SYNDIG1: variants seen among roughly 807,000 people sequenced by gnomAD.
SYNDIG1 encodes synapse differentiation inducing 1, also known as synapse differentiation-inducing gene protein 1.
A neutral mutation model predicts 19.4 loss-of-function variants in SYNDIG1; 9 were observed. The ratio of observed to expected loss-of-function variants is 0.46; its 90% CI spans 0.28 to 0.81. The LOEUF is 0.81. Ranked by LOEUF, SYNDIG1 falls within the 30% of genes least tolerant of loss-of-function variation. The pLI is 0.12. For missense variants in SYNDIG1, 311 were observed against 343.3 expected (o/e 0.91, Z 0.74); for synonymous variants, 141 against 145.9 (o/e 0.97, Z 0.24).
intron 2 of SYNDIG1, among the ~76,000 whole-genome samples, chr20:24,568,458 C>T (rs1013497080): frequency 2.6e-5 from 4 of 152,210 alleles, no homozygotes; most frequent in South Asian, 4.1e-4. Context: ...CCTCGGGAGG[C>T]GTCTGTCATC....
intron 1 of SYNDIG1, among the ~76,000 whole-genome samples, chr20:24,517,185 A>G (rs1265398780): frequency 2.0e-5 from 3 of 152,098 alleles, no homozygotes; most frequent in Non-Finnish European, 4.4e-5. Flanking sequence ...AAGCATTAGG[A>G]GATACACCTA....
chr20:24,507,902 C>T (rs1293296928), intron 1 of SYNDIG1, among the ~76,000 whole-genome samples: 1 of 152,148 alleles, frequency 6.6e-6, no homozygotes, highest in East Asian at 1.9e-4. Context: ...AGGAGGTGCG[C>T]TGTTCCACAA....
intron 1 of SYNDIG1, among the ~76,000 whole-genome samples, chr20:24,498,442 T>G (rs566663330): frequency 6.6e-6 from 1 of 152,344 alleles, no homozygotes; most frequent in East Asian, 1.9e-4. Context: ...AGCTGCACAG[T>G]AGCTTGCTAG....
At chr20:24,512,353 C>T (rs1000117324) in intron 1 of SYNDIG1, among the ~76,000 whole-genome samples, 5 of 151,256 alleles carry the variant, frequency 3.3e-5, no homozygotes, top group South Asian at 4.2e-4. Context: ...TTGCCTCGCC[C>T]GGGAAGCACA....
intron 3 of SYNDIG1, among the ~76,000 whole-genome samples, chr20:24,615,690 C>T (rs985682580): frequency 3.9e-5 from 6 of 152,152 alleles, no homozygotes; most frequent in African/African-American, 1.2e-4. Context: ...CTGCTGTCCC[C>T]GAAACAGGCG....
chr20:24,516,450 A>G (rs2056866345), intron 1 of SYNDIG1, among the ~76,000 whole-genome samples: 1 of 152,230 alleles, frequency 6.6e-6, no homozygotes, highest in Admixed American at 6.5e-5. Flanking sequence ...AAGGGCTAAT[A>G]TCCAGAACTC....
chr20:24,629,477 G>A lies in SYNDIG1; in HGVS notation c.619-35869G>A, dbSNP rs190591756. Among the ~76,000 whole-genome samples the A allele has an allele frequency of 5.3e-4, 80 of 152,220 alleles. 2 individuals are homozygous for A. In the East Asian group the frequency reaches 0.013, roughly 24 times the overall value. On this transcript the variant is annotated intron_variant, in intron 3 of 3. Coordinates refer to ENST00000376862, the MANE Select transcript of SYNDIG1 (RefSeq NM_024893.3). ...AGAAGAAATTGAGACAGGAAAAAGAGGAAAGGAGGGAGGCAGAGGAGGAGG... is the reference window on the plus strand; with the variant it reads ...AGAAGAAATTGAGACAGGAAAAAGAAGAAAGGAGGGAGGCAGAGGAGGAGG...
chr20:24,508,448 CCTCAAG>C (rs1600474058), intron 1 of SYNDIG1, among the ~76,000 whole-genome samples: 2 of 151,292 alleles, frequency 1.3e-5, no homozygotes, highest in Non-Finnish European at 3.0e-5. Context: ...AAACTCCTGA[CCTCAAG>C]TGATCTGCCC....
rs999073422 is a variant in SYNDIG1, at chr20:24,658,777, G to T, written c.619-6569G>T. Among the ~76,000 whole-genome samples the T allele has an allele frequency of 6.6e-6, 1 of 152,144 alleles. No homozygotes were observed. ...CACCACAGGCTCTTCTCCCAGCGGG[G>T]TCGTCTGCCTCGTTTTCTCCCAGAT... On this transcript the variant is annotated intron_variant, in intron 3 of 3. Coordinates refer to ENST00000376862, the MANE Select transcript of SYNDIG1 (RefSeq NM_024893.3). This position sits in a 1 kb window ranked among gnomAD's most constrained non-coding sequence, Gnocchi z 4.4.
intron 3 of SYNDIG1, among the ~76,000 whole-genome samples, chr20:24,626,713 G>T (rs1390766416): frequency 6.6e-6 from 1 of 152,242 alleles, no homozygotes; most frequent in African/African-American, 2.4e-5. Flanking sequence ...ACTTTGGGGG[G>T]CCAAGGCAGG....
At chr20:24,513,714 C>T (rs904157550) in intron 1 of SYNDIG1, among the ~76,000 whole-genome samples, 1 of 152,094 alleles carries the variant, frequency 6.6e-6, no homozygotes, top group African/African-American at 2.4e-5. Flanking sequence ...GGATATTATC[C>T]AGGATAACTT....
chr20:24,578,679 G>A (rs1008621765), intron 2 of SYNDIG1, among the ~76,000 whole-genome samples: 6 of 152,184 alleles, frequency 3.9e-5, no homozygotes, highest in Non-Finnish European at 8.8e-5. Flanking sequence ...TGGCTTAGGG[G>A]ACGGCAGGTG....
At chr20:24,503,278 G>A (rs925661264) in intron 1 of SYNDIG1, among the ~76,000 whole-genome samples, 22 of 152,172 alleles carry the variant, frequency 1.4e-4, no homozygotes, top group Admixed American at 4.6e-4. Flanking sequence ...AAGGCAGGGC[G>A]GACAGGTGGC....
chr20:24,637,251 G>A (rs557641806), intron 3 of SYNDIG1, among the ~76,000 whole-genome samples: 4 of 152,364 alleles, frequency 2.6e-5, no homozygotes, highest in African/African-American at 7.2e-5. Flanking sequence ...TGAACAGCGA[G>A]CAAGAAACCC....
At chr20:24,545,656 A>G (rs2057561725) in intron 2 of SYNDIG1, among the ~76,000 whole-genome samples, 1 of 152,094 alleles carries the variant, frequency 6.6e-6, no homozygotes, top group Non-Finnish European at 1.5e-5. Context: ...AAAGCTAGGA[A>G]TGGGTGGGGG....
rs113100016 is a variant in SYNDIG1, at chr20:24,544,128, T to G, written c.480+551T>G. ...TTGACTTCTTAGATGACTCGCTTCT[T>G]TAATGGACTGGAGGGCAGGTGACAG... On this transcript the variant is annotated intron_variant, in intron 2 of 3. Coordinates refer to ENST00000376862, the MANE Select transcript of SYNDIG1 (RefSeq NM_024893.3). Among the ~76,000 whole-genome samples the G allele has an allele frequency of 1.1e-3, 171 of 152,282 alleles. 3 individuals are homozygous for G. Among genetic ancestry groups the G allele is most frequent in the African/African-American group, 4.0e-3 (166 of 41,562 alleles).
chr20:24,555,235 TTGATC>T (rs1415717837), intron 2 of SYNDIG1, among the ~76,000 whole-genome samples: 1 of 152,120 alleles, frequency 6.6e-6, no homozygotes. Flanking sequence ...ATCAATTTTG[TTGATC>T]CTTTCAAAAA....
Position 24,543,234 on chromosome 20 carries a change from C to G in SYNDIG1, c.137C>G (p.Pro46Arg), listed in dbSNP as rs1291505289. ...GGTCTGGTGTCTGTTTACCCAGCGCCCCAGTACCAGAGCCACCGGGTGGGG... is the reference window on the plus strand; with the variant it reads ...GGTCTGGTGTCTGTTTACCCAGCGCGCCAGTACCAGAGCCACCGGGTGGGG... ...RDGLVSVYPA[P>R]QYQSHRVGAS... Residue 46 changes from proline (P) to arginine (R), a missense_variant, in exon 2 of 4, where the codon CCC becomes CGC. Pro to Arg is a moderately radical substitution (Grantham distance 103). Transcript: ENST00000376862. The G allele has an allele frequency of 6.2e-7, 1 of 1,613,852 alleles. No individual in the cohort carries two copies. The highest frequency in any genetic ancestry group is 1.1e-5 in the South Asian group (1 of 91,066).
chr20:24,596,705 T>A (rs1251631912), intron 3 of SYNDIG1: 1 of 152,284 alleles, frequency 6.6e-6, no homozygotes, highest in East Asian at 1.9e-4. Context: ...CACTCCTGAC[T>A]CGTGGTGTTT....
Sources: gnomAD v4.1 joint callset for allele counts (sites outside exome capture counted in the v4.1 genomes callset) on GRCh38, gnomAD v4.1.1 for gene constraint, Gnocchi (gnomAD v3.1) non-coding constraint, MANE v1.5 for transcripts, NCBI Gene and HGNC (gene_info 2026-07-23, HGNC 2026-07-21) for gene names.